SLC39A11: variants seen among roughly 807,000 people sequenced by gnomAD.
The protein encoded by SLC39A11 is zinc transporter ZIP11.
Under a neutral mutation model 36.1 loss-of-function variants are expected in SLC39A11, and 33 were observed. That is an observed-to-expected ratio of 0.91 (90% CI 0.69 to 1.22). The LOEUF (loss-of-function observed/expected upper bound fraction) is 1.22. Among genes scored for constraint, SLC39A11 ranks in the 50% most tolerant of loss-of-function variants. The pLI is 0.00. For synonymous variants in SLC39A11, 166 were observed against 170.3 expected (o/e 0.97, Z 0.20); for missense variants, 432 against 430.3 (o/e 1.00, Z -0.03).
intron 7 of SLC39A11, among the ~76,000 whole-genome samples, chr17:72,672,227 T>C (rs2071054063): frequency 6.6e-6 from 1 of 152,182 alleles, no homozygotes; most frequent in Non-Finnish European, 1.5e-5. Flanking sequence ...GGTGGGTGGA[T>C]CACTTCAGGC....
At chr17:73,059,481 A>G (rs1222432162) in intron 3 of SLC39A11, among the ~76,000 whole-genome samples, 1 of 152,072 alleles carries the variant, frequency 6.6e-6, no homozygotes, top group Non-Finnish European at 1.5e-5. Flanking sequence ...AGCCTGACCA[A>G]CACGGTGAAC....
At chr17:72,665,623 A>G (rs1028951477) in intron 7 of SLC39A11, among the ~76,000 whole-genome samples, 2 of 151,850 alleles carry the variant, frequency 1.3e-5, no homozygotes, top group Non-Finnish European at 1.5e-5. Context: ...CCTGGGCCCA[A>G]GTGATTCTCC....
At chr17:73,088,432 G>A (rs2060811592) in intron 2 of SLC39A11, among the ~76,000 whole-genome samples, 1 of 152,182 alleles carries the variant, frequency 6.6e-6, no homozygotes, top group Non-Finnish European at 1.5e-5. Flanking sequence ...CAAGAGGGGA[G>A]ATGATGGTGC....
At chr17:73,068,075 T>G in intron 3 of SLC39A11, 1 of 1,499,004 alleles carries the variant, frequency 6.7e-7, no homozygotes, top group Non-Finnish European at 9.3e-7. Flanking sequence ...TACTGCCCAC[T>G]TCTTTGTTTT....
intron 5 of SLC39A11, among the ~76,000 whole-genome samples, chr17:72,899,051 T>C (rs543779769): frequency 6.6e-6 from 1 of 152,314 alleles, no homozygotes; most frequent in African/African-American, 2.4e-5. Context: ...CTAAGCTTTA[T>C]GCAGGAACTC....
intron 6 of SLC39A11, among the ~76,000 whole-genome samples, chr17:72,815,401 C>T (rs1210044565): frequency 2.0e-5 from 3 of 151,922 alleles, no homozygotes; most frequent in Admixed American, 6.6e-5. Flanking sequence ...AGGTGGATCA[C>T]GAGGTCAGGA....
intron 3 of SLC39A11, among the ~76,000 whole-genome samples, chr17:73,044,550 A>G (rs2059209298): frequency 6.6e-6 from 1 of 152,136 alleles, no homozygotes; most frequent in Non-Finnish European, 1.5e-5. Context: ...TGACTTAGGG[A>G]CTAGGAGCTC....
intron 7 of SLC39A11, among the ~76,000 whole-genome samples, chr17:72,689,668 T>G (rs1289271992): frequency 6.6e-6 from 1 of 152,090 alleles, no homozygotes; most frequent in African/African-American, 2.4e-5. Flanking sequence ...AAAACATCCA[T>G]GCTAAGTGAA....
chr17:73,000,598 G>A (rs2089766772), intron 4 of SLC39A11, among the ~76,000 whole-genome samples: 1 of 152,248 alleles, frequency 6.6e-6, no homozygotes, highest in Non-Finnish European at 1.5e-5. Context: ...AACATTCTGG[G>A]AGCTACTTGG....
At chr17:73,068,211 G>T in intron 3 of SLC39A11, 2 of 1,035,584 alleles carry the variant, frequency 1.9e-6, no homozygotes, top group Non-Finnish European at 2.9e-6. Context: ...GTTGTTTCTG[G>T]GGAGACCTCC....
chr17:72,946,224 G>A (rs1296764708), intron 5 of SLC39A11, among the ~76,000 whole-genome samples: 1 of 152,226 alleles, frequency 6.6e-6, no homozygotes, highest in Non-Finnish European at 1.5e-5. Flanking sequence ...AGTGACAAGT[G>A]TGATTGGAGG....
chr17:72,966,238 G>A (rs1339480407), intron 4 of SLC39A11, among the ~76,000 whole-genome samples: 1 of 152,216 alleles, frequency 6.6e-6, no homozygotes, highest in Non-Finnish European at 1.5e-5. Context: ...ACATCCAGTG[G>A]GTTCCAGAGA....
intron 7 of SLC39A11, among the ~76,000 whole-genome samples, chr17:72,656,535 G>A (rs1454661450): frequency 6.6e-6 from 1 of 152,110 alleles, no homozygotes; most frequent in East Asian, 1.9e-4. Context: ...CGGGGGAGGC[G>A]GGAAGGGAGG....
At chr17:72,995,990 C>A (rs1215681741) in intron 4 of SLC39A11, among the ~76,000 whole-genome samples, 1 of 152,028 alleles carries the variant, frequency 6.6e-6, no homozygotes, top group Non-Finnish European at 1.5e-5. Context: ...TCCTTAAATG[C>A]CACCCTAATC....
At position 72,822,389 on chromosome 17, in the gene SLC39A11, A is replaced by C. The variant is rs2077831264; in HGVS notation, c.601+27245T>G. Among the ~76,000 whole-genome samples, 3 of 149,960 alleles carry C rather than the reference A, an allele frequency of 2.0e-5. 1 individual carries two copies. The highest frequency in any genetic ancestry group is 3.0e-5 in the Non-Finnish European group (2 of 67,132). On this transcript the variant is annotated intron_variant, in intron 6 of 9. Transcript: ENST00000255559. ...GAGGGAGAGAGATCTATCTAAATGC[A>C]ATCTGTTAATTTGACTCATGACTTA...
chr17:72,972,432 G>A (rs534754323), intron 4 of SLC39A11, among the ~76,000 whole-genome samples: 3 of 152,216 alleles, frequency 2.0e-5, no homozygotes, highest in Admixed American at 2.0e-4. Flanking sequence ...CAGTATTTGT[G>A]TGCGTTGCCA....
chr17:72,663,843 T>C (rs889558477), intron 7 of SLC39A11: 1 of 152,166 alleles, frequency 6.6e-6, no homozygotes, highest in African/African-American at 2.4e-5. Flanking sequence ...AACCAAAACA[T>C]TTAGTTCCCC....
chr17:72,909,364 T>C (rs2082841586), intron 5 of SLC39A11, among the ~76,000 whole-genome samples: 1 of 152,198 alleles, frequency 6.6e-6, no homozygotes, highest in Non-Finnish European at 1.5e-5. Flanking sequence ...TAGAGGGGTC[T>C]TGCACTTCAG....
At chr17:73,038,888 C>G (rs2059017269) in intron 3 of SLC39A11, among the ~76,000 whole-genome samples, 1 of 151,996 alleles carries the variant, frequency 6.6e-6, no homozygotes, top group Non-Finnish European at 1.5e-5. Context: ...TGTTGCTGAA[C>G]TCTTCTGCTC....
Sources: gnomAD v4.1 joint callset for allele counts (sites outside exome capture counted in the v4.1 genomes callset) on GRCh38, gnomAD v4.1.1 for gene constraint, MANE v1.5 for transcripts, NCBI Gene and HGNC (gene_info 2026-07-23, HGNC 2026-07-21) for gene names.